Variants in PKIB observed in about 807,000 individuals in gnomAD.
PKIB encodes the protein cAMP-dependent protein kinase inhibitor beta.
A neutral mutation model predicts 4.5 loss-of-function variants in PKIB; 2 were observed. The ratio of observed to expected loss-of-function variants is 0.44; its 90% CI spans 0.18 to 1.39. The LOEUF is 1.39. Ranked by LOEUF, PKIB falls within the 40% of genes most tolerant of loss-of-function variation. The pLI is 0.27. For missense variants in PKIB, 94 were observed against 92.6 expected (o/e 1.02, Z -0.06); for synonymous variants, 38 against 36.0 (o/e 1.06, Z -0.20).
At chr6:122,668,497 C>CT (rs1338055778) in intron 2 of PKIB, among the ~76,000 whole-genome samples, 3 of 152,170 alleles carry the variant, frequency 2.0e-5, no homozygotes, top group African/African-American at 7.2e-5. Flanking sequence ...AGCAGCTATA[C>CT]TACACATTCT....
intron 1 of PKIB, among the ~76,000 whole-genome samples, chr6:122,473,193 G>A (rs531236391): frequency 6.6e-6 from 1 of 152,332 alleles, no homozygotes; most frequent in South Asian, 2.1e-4. Flanking sequence ...ATTTATGGGA[G>A]AAGAGAATCC....
At chr6:122,607,880 A>G (rs950638708), upstream of PKIB, among the ~76,000 whole-genome samples, 6 of 152,116 alleles carry the variant, frequency 3.9e-5, no homozygotes, top group Non-Finnish European at 7.4e-5. Context: ...CTCCCTGGAT[A>G]TGCACCTTCT....
Position 122,725,161 on chromosome 6 carries a change from A to G in PKIB, c.203A>G (p.Asp68Gly). The change falls in exon 5 of 5, where the codon GAC becomes GGC. Residue 68 changes from aspartate to glycine, a missense_variant. Physicochemically the swap from Asp to Gly is moderately conservative, Grantham distance 94. Transcript: ENST00000368452. Reference sequence around the variant, plus strand: ...GAGAAAGATGAAAAAACAACACAAGACCAATTGGAAAAGCCTCAAAATGAA... The same window carrying G: ...GAGAAAGATGAAAAAACAACACAAGGCCAATTGGAAAAGCCTCAAAATGAA... The part of the protein sequence containing the change: ...AKEKDEKTTQ[D>G]QLEKPQNEEK 1 of 1,611,984 alleles carries G rather than the reference A, an allele frequency of 6.2e-7. No individual in the cohort carries two copies. Among genetic ancestry groups the G allele is most frequent in the Non-Finnish European group, 8.5e-7 (1 of 1,179,214 alleles).
intron 2 of PKIB, among the ~76,000 whole-genome samples, chr6:122,651,045 T>C (rs1002665175): frequency 3.3e-5 from 5 of 152,000 alleles, no homozygotes; most frequent in African/African-American, 9.7e-5. Context: ...TAATTCAACT[T>C]TATGGGAATT....
At chr6:122,648,049 C>A (rs2082197) in intron 2 of PKIB, among the ~76,000 whole-genome samples, 44,430 of 152,140 alleles carry the variant, frequency 0.29, 7,121 homozygotes, top group Middle Eastern at 0.36. Context: ...TGGTATAGCC[C>A]AATTTCCCCT....
At chr6:122,510,387 T>C (rs1776547529) in intron 2 of PKIB, among the ~76,000 whole-genome samples, 1 of 152,248 alleles carries the variant, frequency 6.6e-6, no homozygotes, top group South Asian at 2.1e-4. Flanking sequence ...CTGTTTAACA[T>C]ACCCTGAGGC....
At chr6:122,607,574 C>G (rs1000675324), upstream of PKIB, among the ~76,000 whole-genome samples, 1 of 152,116 alleles carries the variant, frequency 6.6e-6, no homozygotes. Context: ...ACCCACGAAG[C>G]CAGCCCTACC....
chr6:122,571,896 G>A (rs888794870), intron 2 of PKIB, among the ~76,000 whole-genome samples: 4 of 152,086 alleles, frequency 2.6e-5, no homozygotes, highest in Non-Finnish European at 1.5e-5. Context: ...TTAATATTCA[G>A]GTTGAATGTA....
At chr6:122,554,246 GA>G (rs1269543044) in intron 2 of PKIB, among the ~76,000 whole-genome samples, 1 of 152,124 alleles carries the variant, frequency 6.6e-6, no homozygotes, top group Non-Finnish European at 1.5e-5. Flanking sequence ...CTACAATAAT[GA>G]CAGAAAAAGT....
Position 122,521,038 on chromosome 6 carries a change from G to A in PKIB, c.-248+43099G>A, listed in dbSNP as rs560619835. ...TCAACTTTTGAAGCACTGGTTGTGGGATATGCAGTCTGGCATTTTCGTGGA... is the reference window on the plus strand; with the variant it reads ...TCAACTTTTGAAGCACTGGTTGTGGAATATGCAGTCTGGCATTTTCGTGGA... On this transcript the variant is annotated intron_variant, in intron 2 of 6. Transcript: ENST00000392491. Among the ~76,000 whole-genome samples the A allele has an allele frequency of 1.8e-4, 28 of 152,314 alleles. No homozygotes were observed. The South Asian group carries it at 5.6e-3, about 30-fold the overall frequency.
At chr6:122,709,309 C>T (rs967517406) in intron 3 of PKIB, among the ~76,000 whole-genome samples, 1 of 152,128 alleles carries the variant, frequency 6.6e-6, no homozygotes, top group East Asian at 1.9e-4. Context: ...AACAAGAGGA[C>T]TAAGGGCAGT....
At chr6:122,657,729 G>T (rs185105695) in intron 2 of PKIB, among the ~76,000 whole-genome samples, 26 of 152,206 alleles carry the variant, frequency 1.7e-4, no homozygotes, top group Non-Finnish European at 3.2e-4. Context: ...TTAGCTGTAT[G>T]TTTCTAATCT....
chr6:122,636,905 A>G (rs1775937778), intron 2 of PKIB, among the ~76,000 whole-genome samples: 2 of 152,228 alleles, frequency 1.3e-5, no homozygotes, highest in African/African-American at 4.8e-5. Context: ...CAAACAGATC[A>G]AAGCACATGT....
chr6:122,663,480 A>G (rs1392098129), intron 2 of PKIB, among the ~76,000 whole-genome samples: 1 of 152,168 alleles, frequency 6.6e-6, no homozygotes, highest in Non-Finnish European at 1.5e-5. Context: ...CTTAAAACAA[A>G]GGAAATTTAT....
intron 3 of PKIB, among the ~76,000 whole-genome samples, chr6:122,708,806 G>C (rs1470244829): frequency 6.6e-6 from 1 of 151,936 alleles, no homozygotes; most frequent in African/African-American, 2.4e-5. Flanking sequence ...GCTAATTTTT[G>C]TATTTTTAGT....
intron 2 of PKIB, among the ~76,000 whole-genome samples, chr6:122,527,321 T>G (rs1777121781): frequency 6.6e-6 from 1 of 152,142 alleles, no homozygotes; most frequent in Admixed American, 6.6e-5. Context: ...ATTTTTTTTT[T>G]GTTTTTGCAT....
At chr6:122,677,324 A>G (rs557739329) in intron 3 of PKIB, among the ~76,000 whole-genome samples, 1 of 152,018 alleles carries the variant, frequency 6.6e-6, no homozygotes, top group Admixed American at 6.6e-5. Context: ...TTTTTTGTTT[A>G]TTTGTTTTTT....
At chr6:122,528,777 A>G (rs946850647) in intron 2 of PKIB, among the ~76,000 whole-genome samples, 1 of 152,168 alleles carries the variant, frequency 6.6e-6, no homozygotes. Context: ...TTGTAGTCCT[A>G]GCTACTTGGG....
intron 2 of PKIB, among the ~76,000 whole-genome samples, chr6:122,584,834 G>T (rs1773805229): frequency 1.3e-5 from 2 of 152,120 alleles, no homozygotes; most frequent in South Asian, 4.1e-4. Flanking sequence ...CTGTGGAGGG[G>T]CTCAGACACT....
Sources: gnomAD v4.1 joint callset for allele counts (sites outside exome capture counted in the v4.1 genomes callset) on GRCh38, gnomAD v4.1.1 for gene constraint, MANE v1.5 for transcripts, NCBI Gene and HGNC (gene_info 2026-07-23, HGNC 2026-07-21) for gene names.